The following DCAF1 variants were observed in gnomAD, a reference collection of about 807,000 sequenced individuals.
DCAF1 encodes DDB1 and CUL4 associated factor 1, also known as DDB1- and CUL4-associated factor 1.
DCAF1 carries 15 observed loss-of-function variants against 128.0 expected under a neutral mutation model. The observed-to-expected ratio is 0.12, with a 90% CI of 0.08 to 0.18. The LOEUF is 0.18. DCAF1 is among the 10% of genes least tolerant of loss of function. The pLI is 1.00. For missense variants in DCAF1, 988 were observed against 1,649.5 expected, an observed-to-expected ratio of 0.60 and a Z score of 6.95; for synonymous variants, 610 against 603.0, an observed-to-expected ratio of 1.01 and a Z score of -0.17.
At chr3:51,485,850 A>AC (rs1706873887) in intron 2 of DCAF1, among the ~76,000 whole-genome samples, 1 of 151,548 alleles carries the variant, frequency 6.6e-6, no homozygotes, top group African/African-American at 2.4e-5. Flanking sequence ...TACCTGCCCT[A>AC]CCCCAAAAAT....
At position 51,441,574 on chromosome 3, in the gene DCAF1, C is replaced by G. The variant is rs1405001644; in HGVS notation, c.837G>C (p.Arg279Ser). 1.2e-6 allele frequency: 2 copies of G among 1,613,860 alleles called. No homozygotes were observed. The highest frequency in any genetic ancestry group is 1.7e-6 in the Non-Finnish European group (2 of 1,179,894). Residue 279 changes from arginine (R) to serine (S), a missense_variant, in exon 8 of 25, where the codon AGG becomes AGC. Arg to Ser is a moderately radical substitution (Grantham distance 110). Coordinates refer to ENST00000684031, the MANE Select transcript of DCAF1 (RefSeq NM_001387579.1). Reference sequence around the variant, plus strand: ...AGAAACCCAACTTTTGCTTGGCTTTCCTAAAGTTCTCTCTGTCACCCTGTT... The same window carrying G: ...AGAAACCCAACTTTTGCTTGGCTTTGCTAAAGTTCTCTCTGTCACCCTGTT... ...SAKQGDRENF[R>S]KAKQKLGFSS...
intron 8 of DCAF1, 28 bp downstream of exon 8, chr3:51,441,357 T>A: frequency 6.3e-7 from 1 of 1,591,930 alleles, no homozygotes; most frequent in Non-Finnish European, 8.6e-7. Context: ...TTCCTATGTG[T>A]GAACAGTACT....
At chr3:51,493,375 G>A (rs1485061503) in intron 2 of DCAF1, among the ~76,000 whole-genome samples, 1 of 152,064 alleles carries the variant, frequency 6.6e-6, no homozygotes, top group African/African-American at 2.4e-5. Context: ...AACTCAGAAG[G>A]CAGAGGTTGA....
At chr3:51,462,797 A>T (rs1244062388) in intron 6 of DCAF1, among the ~76,000 whole-genome samples, 2 of 151,780 alleles carry the variant, frequency 1.3e-5, no homozygotes, top group Non-Finnish European at 2.9e-5. Context: ...GTATTTGTCA[A>T]AATAACTATT....
intron 23 of DCAF1, among the ~76,000 whole-genome samples, chr3:51,411,837 C>G (rs1297523251): frequency 6.6e-6 from 1 of 151,862 alleles, no homozygotes; most frequent in African/African-American, 2.4e-5. Context: ...AGGATGAGTG[C>G]GGTGGCTCAT....
At chr3:51,414,961 C>A in intron 18 of DCAF1, 104 bp from the exon 19 acceptor site, 1 of 1,448,544 alleles carries the variant, frequency 6.9e-7, no homozygotes, top group Non-Finnish European at 9.2e-7. Flanking sequence ...CACACAAATT[C>A]TCCACATGGA....
intron 17 of DCAF1, among the ~76,000 whole-genome samples, chr3:51,417,803 G>A (rs1577080966): frequency 6.6e-6 from 1 of 151,040 alleles, no homozygotes; most frequent in South Asian, 2.1e-4. Context: ...GGGGAGGTGA[G>A]GGGGGAGGGG....
intron 6 of DCAF1, among the ~76,000 whole-genome samples, chr3:51,452,200 C>G (rs1439631342): frequency 6.6e-6 from 1 of 152,004 alleles, no homozygotes; most frequent in Non-Finnish European, 1.5e-5. Flanking sequence ...CAGTGTGCAC[C>G]ACTACACCCA....
At chr3:51,478,987 CAA>C (rs1705828508) in intron 3 of DCAF1, among the ~76,000 whole-genome samples, 1 of 152,050 alleles carries the variant, frequency 6.6e-6, no homozygotes, top group Non-Finnish European at 1.5e-5. Flanking sequence ...ACTGCACAAA[CAA>C]AAAGATTTTT....
chr3:51,446,685 C>A (rs1701883591), intron 6 of DCAF1, among the ~76,000 whole-genome samples: 1 of 151,702 alleles, frequency 6.6e-6, no homozygotes, highest in South Asian at 2.1e-4. Context: ...ACTGGCCGTG[C>A]ACAGTGGCTC....
At chr3:51,471,636 G>A (rs1553648461) in intron 3 of DCAF1, among the ~76,000 whole-genome samples, 1 of 152,004 alleles carries the variant, frequency 6.6e-6, no homozygotes, top group Non-Finnish European at 1.5e-5. Context: ...GGGAGGCCGA[G>A]GCAGGAGGAT....
At chr3:51,460,812 A>G (rs1361147551) in intron 6 of DCAF1, among the ~76,000 whole-genome samples, 1 of 151,306 alleles carries the variant, frequency 6.6e-6, no homozygotes, top group Admixed American at 6.6e-5. Flanking sequence ...AAATGGGGAA[A>G]GGATTCCCTA....
the DCAF1 span, among the ~76,000 whole-genome samples, chr3:51,505,024 G>A: frequency 5.9e-5 from 9 of 152,026 alleles, no homozygotes; most frequent in Non-Finnish European, 8.8e-5. Context: ...CACTTTAGGG[G>A]GGCAAGGCAG....
At chr3:51,504,988 C>T (rs782579085), upstream of DCAF1, among the ~76,000 whole-genome samples, 6 of 151,980 alleles carry the variant, frequency 3.9e-5, no homozygotes, top group Non-Finnish European at 7.4e-5. Flanking sequence ...TACAGCCAGG[C>T]GTGGTAGCTC....
At chr3:51,439,969 G>T (rs577646094) in intron 9 of DCAF1, among the ~76,000 whole-genome samples, 135 of 152,042 alleles carry the variant, frequency 8.9e-4, no homozygotes, top group Non-Finnish European at 1.7e-3. Context: ...TCCAGCCTGG[G>T]CAACAGAGCG....
intron 6 of DCAF1, among the ~76,000 whole-genome samples, chr3:51,461,947 G>A (rs1703634858): frequency 6.6e-6 from 1 of 151,952 alleles, no homozygotes; most frequent in South Asian, 2.1e-4. Flanking sequence ...AGCATTAGGA[G>A]ATATACCTAA....
At chr3:51,430,447 G>A (rs1700267214) in intron 10 of DCAF1, among the ~76,000 whole-genome samples, 1 of 152,144 alleles carries the variant, frequency 6.6e-6, no homozygotes, top group Non-Finnish European at 1.5e-5. Context: ...TATACTTACT[G>A]AGTGCCAACA....
At chr3:51,466,064 G>C (rs1484471784) in intron 5 of DCAF1, among the ~76,000 whole-genome samples, 1 of 151,958 alleles carries the variant, frequency 6.6e-6, no homozygotes, top group African/African-American at 2.4e-5. Context: ...AGGCAGGTGT[G>C]GTTGGCAGGC....
upstream of DCAF1, chr3:51,500,116 G>GGA (rs1559596329): frequency 1.4e-4 from 4 of 27,836 alleles, 1 homozygote; most frequent in African/African-American, 1.5e-4. Context: ...CACGATCGGG[G>GGA]AAAAAAAAAA....
Sources: allele counts gnomAD v4.1 joint callset (sites outside exome capture counted in the v4.1 genomes callset), GRCh38; gene constraint gnomAD v4.1.1; transcripts MANE v1.5; gene names NCBI Gene and HGNC (gene_info 2026-07-23, HGNC 2026-07-21).